The following GNAI1 variants were observed in gnomAD, a reference collection of about 807,000 sequenced individuals.
The protein encoded by GNAI1 is guanine nucleotide-binding protein G(i) subunit alpha-1.
GNAI1 carries 11 observed loss-of-function variants against 38.9 expected under a neutral mutation model. The ratio of observed to expected loss-of-function variants is 0.28; its 90% confidence interval spans 0.18 to 0.47. The LOEUF is 0.47. GNAI1 is among the 20% of genes least tolerant of loss of function. The pLI, the probability that GNAI1 is intolerant of heterozygous loss-of-function variation, is 0.99. For synonymous variants in GNAI1, 166 were observed against 145.1 expected, an observed-to-expected ratio of 1.14 and a Z score of -1.04; for missense variants, 317 against 436.9, an observed-to-expected ratio of 0.73 and a Z score of 2.45.
Position 80,216,214 on chromosome 7 carries a change from T to G in GNAI1, c.875-1089T>G, listed in dbSNP as rs541603043. Among the ~76,000 whole-genome samples the G allele has an allele frequency of 4.0e-5, 6 of 150,936 alleles. No homozygotes were observed. The East Asian group carries it at 5.9e-4, about 15-fold the overall frequency. ...ACACACCCTCAGCATAAGTGCGTGT[T>G]TAAAGGTTAATGTACCAGTATCCAC... On this transcript the variant is annotated intron_variant, in intron 7 of 7. Coordinates refer to ENST00000649796, the MANE Select transcript of GNAI1 (RefSeq NM_002069.6).
At chr7:80,193,995 T>C (rs1372062996) in intron 3 of GNAI1, among the ~76,000 whole-genome samples, 1 of 152,146 alleles carries the variant, frequency 6.6e-6, no homozygotes, top group Non-Finnish European at 1.5e-5. Flanking sequence ...TAATGGCCAT[T>C]TTTCTGTTCC....
At chr7:80,208,203 A>G (rs1225588174) in intron 5 of GNAI1, among the ~76,000 whole-genome samples, 57 of 152,220 alleles carry the variant, frequency 3.7e-4, no homozygotes, top group Non-Finnish European at 7.4e-5. Context: ...TTCATTTCCT[A>G]TGTGATGTTG....
intron 5 of GNAI1, among the ~76,000 whole-genome samples, chr7:80,204,387 C>T (rs1011423954): frequency 5.3e-5 from 8 of 152,006 alleles, no homozygotes; most frequent in African/African-American, 1.9e-4. Context: ...AGCACCGAAT[C>T]GTAGTCTTTA....
At chr7:80,204,905 TTGA>T (rs1281780316) in intron 5 of GNAI1, among the ~76,000 whole-genome samples, 2 of 137,712 alleles carry the variant, frequency 1.5e-5, no homozygotes, top group Non-Finnish European at 3.1e-5. Context: ...GTAGTGTTAC[TTGA>T]TGTTAAAAAA....
chr7:80,214,117 A>T (rs1788919447), intron 7 of GNAI1, among the ~76,000 whole-genome samples: 1 of 152,166 alleles, frequency 6.6e-6, no homozygotes, highest in South Asian at 2.1e-4. Context: ...CAGTGGAACC[A>T]AAAGGGGAGG....
intron 1 of GNAI1, among the ~76,000 whole-genome samples, chr7:80,144,581 A>G (rs1787584988): frequency 1.3e-5 from 2 of 152,144 alleles, no homozygotes; most frequent in African/African-American, 4.8e-5. Flanking sequence ...TTGCCTCACT[A>G]AAGTACAATC....
At chr7:80,208,695 C>T (rs1028863348) in intron 5 of GNAI1, among the ~76,000 whole-genome samples, 7 of 152,166 alleles carry the variant, frequency 4.6e-5, no homozygotes, top group Admixed American at 1.3e-4. Context: ...TTCCATTTGG[C>T]TTAATAGTTC....
intron 1 of GNAI1, among the ~76,000 whole-genome samples, chr7:80,170,464 T>G (rs148494373): frequency 4.6e-5 from 7 of 152,280 alleles, no homozygotes; most frequent in African/African-American, 1.4e-4. Flanking sequence ...AATGGAGGCC[T>G]TATTAGTCCA....
At chr7:80,180,467 A>G (rs1269472472) in intron 1 of GNAI1, among the ~76,000 whole-genome samples, 1 of 152,128 alleles carries the variant, frequency 6.6e-6, no homozygotes, top group Non-Finnish European at 1.5e-5. Flanking sequence ...GGGCTGTATA[A>G]TGTCAAATTT....
intron 3 of GNAI1, among the ~76,000 whole-genome samples, chr7:80,193,784 T>C (rs1788521464): frequency 6.6e-6 from 1 of 152,196 alleles, no homozygotes; most frequent in African/African-American, 2.4e-5. Flanking sequence ...TAATTTATAT[T>C]TTGTGTGTCA....
At chr7:80,178,014 A>T (rs1485597179) in intron 1 of GNAI1, among the ~76,000 whole-genome samples, 2 of 152,238 alleles carry the variant, frequency 1.3e-5, no homozygotes, top group African/African-American at 4.8e-5. Context: ...GAATATTAAC[A>T]TTAACAGGCA....
rs59511755 is a variant in GNAI1 at position 80,200,324 on chromosome 7, C to CAAAAAAAAAAAAAAAA, written c.461+950_461+965dup. 5.5e-3 allele frequency among the ~76,000 whole-genome samples: 221 copies of CAAAAAAAAAAAAAAAA among 40,370 alleles called. 65 individuals are homozygous for CAAAAAAAAAAAAAAAA. The highest frequency in any genetic ancestry group is 0.034 in the African/African-American group (208 of 6,040). The allele number at this position is 40,370 out of a possible 152,430, so 26.5% of individuals were successfully genotyped here. On this transcript the variant is annotated intron_variant, in intron 4 of 7. Coordinates refer to ENST00000649796, the MANE Select transcript of GNAI1 (RefSeq NM_002069.6). ...CTGGAGATGGAGTGAGGCCATGTCT[C>CAAAAAAAAAAAAAAAA]AAAAAAAAAAAAAAAAAAAAAAACC...
chr7:80,176,821 C>T (rs1332803793), intron 1 of GNAI1, among the ~76,000 whole-genome samples: 1 of 150,642 alleles, frequency 6.6e-6, no homozygotes, highest in African/African-American at 2.4e-5. Flanking sequence ...GCTGTAATCC[C>T]AGCTACTCGG....
chr7:80,135,311 G>A, intron 1 of GNAI1, 33 bp downstream of exon 1: 1 of 1,259,078 alleles, frequency 7.9e-7, no homozygotes, highest in Non-Finnish European at 1.0e-6. Flanking sequence ...CCGGGGGTCG[G>A]CGGGGGACCG....
At chr7:80,135,470 G>A (rs1455021982) in intron 1 of GNAI1, 192 bp downstream of exon 1, 1 of 419,044 alleles carries the variant, frequency 2.4e-6, no homozygotes, top group African/African-American at 2.1e-5. Flanking sequence ...CTCCGCCCCG[G>A]CGGGCGAGGA....
chr7:80,173,421 G>A (rs1043405148), intron 1 of GNAI1, among the ~76,000 whole-genome samples: 3 of 152,128 alleles, frequency 2.0e-5, no homozygotes, highest in African/African-American at 2.4e-5. Context: ...CTCCTCCTGA[G>A]CCCCTATATT....
rs974725411 is a variant in GNAI1 at position 80,224,298 on chromosome 7, T to C, written c.*6805T>C. On this transcript the variant is annotated 3_prime_UTR_variant, in exon 8 of 8. Coordinates refer to ENST00000649796, the MANE Select transcript of GNAI1 (RefSeq NM_002069.6). ...ATATTGGTAAAATTTCCATTTTCTA[T>C]ATAAGGAAACACATTTAAGAGAGGT... 2.0e-5 allele frequency among the ~76,000 whole-genome samples: 3 copies of C among 152,216 alleles called. No individual in the cohort carries two copies. The highest frequency in any genetic ancestry group is 4.4e-5 in the Non-Finnish European group (3 of 68,038).
chr7:80,208,805 C>T (rs1293840252), intron 5 of GNAI1, among the ~76,000 whole-genome samples: 2 of 152,150 alleles, frequency 1.3e-5, no homozygotes, highest in African/African-American at 4.8e-5. Context: ...AGCTAAATAT[C>T]CAAGTTCATT....
chr7:80,169,483 T>C lies in GNAI1; in HGVS notation c.119-19468T>C, dbSNP rs2116151728. Among the ~76,000 whole-genome samples the C allele has an allele frequency of 2.0e-5, 3 of 152,324 alleles. 1 individual carries two copies. The East Asian group carries it at 5.8e-4, about 29-fold the overall frequency. On this transcript the variant is annotated intron_variant, in intron 1 of 7. Coordinates refer to ENST00000649796, the MANE Select transcript of GNAI1 (RefSeq NM_002069.6). ...CAGCAAATTGTGTATTCAGAAATGCTACACAATAGAAGAGGAGGTGGAATG... is the reference window on the plus strand; with the variant it reads ...CAGCAAATTGTGTATTCAGAAATGCCACACAATAGAAGAGGAGGTGGAATG...
Sources: allele counts gnomAD v4.1 joint callset (sites outside exome capture counted in the v4.1 genomes callset), GRCh38; gene constraint gnomAD v4.1.1; transcripts MANE v1.5; gene names NCBI Gene and HGNC (gene_info 2026-07-23, HGNC 2026-07-21).